The following GALNT17 variants were observed in gnomAD, a reference collection of about 807,000 sequenced individuals.
GALNT17 encodes the protein polypeptide N-acetylgalactosaminyltransferase 17, also known as UDP-GalNAc:polypeptide N-acetylgalactosaminyltransferase-like 3.
GALNT17 carries 29 observed loss-of-function variants against 63.7 expected under a neutral mutation model. The ratio of observed to expected loss-of-function variants is 0.46; its 90% CI spans 0.34 to 0.62. GALNT17 has a LOEUF of 0.62. GALNT17 is among the 20% of genes least tolerant of loss of function. The probability of loss-of-function intolerance (pLI) is 0.01; values close to 1 mark genes in which losing one functional copy is unlikely to be tolerated. For synonymous variants in GALNT17, 305 were observed against 318.3 expected (o/e 0.96, Z 0.45); for missense variants, 603 against 799.6 (o/e 0.75, Z 2.97).
At chr7:71,333,614 T>C (rs1791844778) in intron 1 of GALNT17, among the ~76,000 whole-genome samples, 1 of 152,122 alleles carries the variant, frequency 6.6e-6, no homozygotes, top group Non-Finnish European at 1.5e-5. Flanking sequence ...GGATTTTTGC[T>C]CATTGCCTCC....
intron 5 of GALNT17, among the ~76,000 whole-genome samples, chr7:71,499,475 C>T (rs569376080): frequency 6.6e-6 from 1 of 152,250 alleles, no homozygotes; most frequent in African/African-American, 2.4e-5. Context: ...GGGAGAGACT[C>T]AGTGTAACCT....
At chr7:71,192,950 G>T (rs1212882766) in intron 1 of GALNT17, among the ~76,000 whole-genome samples, 2 of 151,906 alleles carry the variant, frequency 1.3e-5, no homozygotes, top group South Asian at 2.1e-4. Context: ...GATCCTCTGC[G>T]ATCAACCTCT....
chr7:71,690,884 A>G (rs1296979835), intron 9 of GALNT17, among the ~76,000 whole-genome samples: 7 of 152,190 alleles, frequency 4.6e-5, no homozygotes, highest in Admixed American at 2.0e-4. Context: ...CTTCACGGAT[A>G]AGCAAAGACA....
At chr7:71,599,432 A>T (rs913817415) in intron 6 of GALNT17, among the ~76,000 whole-genome samples, 2 of 152,196 alleles carry the variant, frequency 1.3e-5, no homozygotes, top group East Asian at 3.9e-4. Flanking sequence ...ACTTGCTGTG[A>T]AAGTGTGGTC....
chr7:71,350,291 G>A lies in GALNT17; in HGVS notation c.422+14558G>A, dbSNP rs115391786. On this transcript the variant is annotated intron_variant, in intron 2 of 10. Transcript: ENST00000333538. The stretch of plus-strand genomic sequence containing the variant: ...TTATTCATTCACTCAGTAAATACTC[G>A]TCAATCAGCTCCCACACACCAGGCA... 3.4e-3 allele frequency among the ~76,000 whole-genome samples: 516 copies of A among 152,180 alleles called. 4 individuals are homozygous for A. Among genetic ancestry groups the A allele is most frequent in the African/African-American group, 0.011 (455 of 41,498 alleles).
At position 71,177,005 on chromosome 7, in the gene GALNT17, A is replaced by G. The variant is rs191037122; in HGVS notation, c.238+43965A>G. Reference sequence around the variant, plus strand: ...ATGCTAAGCTGTGAATGTAGTTACTAAAAGGACAGAGCTTCGAGCAGGGGC... The same window carrying G: ...ATGCTAAGCTGTGAATGTAGTTACTGAAAGGACAGAGCTTCGAGCAGGGGC... On this transcript the variant is annotated intron_variant, in intron 1 of 10. Transcript: ENST00000333538. Among the ~76,000 whole-genome samples, 22 of 152,260 alleles carry G rather than the reference A, an allele frequency of 1.4e-4. 1 individual carries two copies. In the East Asian group the frequency reaches 4.1e-3, roughly 28 times the overall value.
chr7:71,527,087 G>A (rs573560253), intron 5 of GALNT17, among the ~76,000 whole-genome samples: 5 of 152,064 alleles, frequency 3.3e-5, no homozygotes, highest in Non-Finnish European at 5.9e-5. Flanking sequence ...TGTCTGGTCT[G>A]TATTGCATCT....
At position 71,431,204 on chromosome 7, in the gene GALNT17, C is replaced by CTTTCTTTTTTTTTTT. The variant is rs1563087533; in HGVS notation, c.962+10102_962+10103insCTTTTTTTTTTTTTT. Among the ~76,000 whole-genome samples, 2 of 136,364 alleles carry CTTTCTTTTTTTTTTT rather than the reference C, an allele frequency of 1.5e-5. 1 individual carries two copies. The allele number at this position is 136,364 out of a possible 152,430, so 89.5% of individuals were successfully genotyped here. A position where few individuals can be genotyped will look rare whatever the true frequency, so the allele number is the denominator to read the frequency against. On this transcript the variant is annotated intron_variant, in intron 5 of 10. Transcript: ENST00000333538. ...CCCTATGAGTATTTTTTTTTCTTTT[C>CTTTCTTTTTTTTTTT]TTTTCTTTTTTTTTTTTTTTTTTTT...
At chr7:71,488,997 G>A (rs1469475814) in intron 5 of GALNT17, among the ~76,000 whole-genome samples, 2 of 132,226 alleles carry the variant, frequency 1.5e-5, no homozygotes, top group South Asian at 2.6e-4. Context: ...AGATTCAAGC[G>A]ATTCTCCTGC....
chr7:71,231,229 T>G (rs904367440), intron 1 of GALNT17, among the ~76,000 whole-genome samples: 1 of 150,632 alleles, frequency 6.6e-6, no homozygotes, highest in Non-Finnish European at 1.5e-5. Flanking sequence ...ATATTTTTGC[T>G]GTTTTTTTTT....
intron 1 of GALNT17, among the ~76,000 whole-genome samples, chr7:71,233,104 C>T (rs917089364): frequency 6.6e-6 from 1 of 152,168 alleles, no homozygotes; most frequent in Non-Finnish European, 1.5e-5. Context: ...CGGAAGAAAG[C>T]CATTTGAAAT....
In GALNT17 at chr7:71,133,051, A is replaced by C; in HGVS notation, c.238+11A>C. On this transcript the variant is annotated intron_variant, in intron 1 of 10. Coordinates refer to ENST00000333538, the MANE Select transcript of GALNT17 (RefSeq NM_022479.3). ...ACCGGCAGCTGAATGGTAAGGACGC[A>C]CGCCGGCGCCTCCGGGGCTCGACGC... The C allele has an allele frequency of 6.5e-6, 10 of 1,537,948 alleles. No individual in the cohort carries two copies. The highest frequency in any genetic ancestry group is 8.7e-6 in the Non-Finnish European group (10 of 1,145,842).
At chr7:71,143,774 T>G (rs926144931) in intron 1 of GALNT17, among the ~76,000 whole-genome samples, 10 of 151,906 alleles carry the variant, frequency 6.6e-5, no homozygotes, top group African/African-American at 2.4e-4. Context: ...GCACGGTGGC[T>G]CACGCCTGTA....
intron 6 of GALNT17, among the ~76,000 whole-genome samples, chr7:71,634,565 C>T (rs1039350744): frequency 6.6e-6 from 1 of 151,722 alleles, no homozygotes. Context: ...ACCAGCCTGA[C>T]CAACATGGTA....
rs372480828 is a variant in GALNT17, at chr7:71,133,018, C to T, written c.216C>T (p.Asp72=). Residue 72 remains aspartate, a synonymous_variant, in exon 1 of 11, where the codon GAC becomes GAT. Coordinates refer to ENST00000333538, the MANE Select transcript of GALNT17 (RefSeq NM_022479.3). ...TGAAGCGCCTGTCGCTGCTGGAGGA[C>T]ATCGTGTACCGGCAGCTGAATGGTA... ...AVLKRLSLLE[D]IVYRQLNGLS... 4 of 1,586,638 alleles carry T rather than the reference C, an allele frequency of 2.5e-6. No individual in the cohort carries two copies. The highest frequency in any genetic ancestry group is 2.7e-5 in the African/African-American group (2 of 73,466).
At chr7:71,386,828 C>G (rs1792954253) in intron 2 of GALNT17, among the ~76,000 whole-genome samples, 1 of 152,116 alleles carries the variant, frequency 6.6e-6, no homozygotes, top group Admixed American at 6.5e-5. Context: ...GTGTAGGGTC[C>G]TTTTCCTTGA....
intron 9 of GALNT17, among the ~76,000 whole-genome samples, chr7:71,698,436 AAAAT>A (rs1378610790): frequency 6.6e-6 from 1 of 152,212 alleles, no homozygotes; most frequent in Non-Finnish European, 1.5e-5. Context: ...AGATATAACC[AAAAT>A]ACTGAACTAT....
At chr7:71,297,313 C>T (rs984091174) in intron 1 of GALNT17, among the ~76,000 whole-genome samples, 2 of 152,100 alleles carry the variant, frequency 1.3e-5, no homozygotes, top group South Asian at 2.1e-4. Flanking sequence ...GAGGCTGAGG[C>T]GGGTGGATCA....
intron 5 of GALNT17, among the ~76,000 whole-genome samples, chr7:71,492,448 T>C (rs538947399): frequency 1.3e-5 from 2 of 152,266 alleles, no homozygotes; most frequent in Admixed American, 1.3e-4. Context: ...AGATGCATCC[T>C]GTGCTAGAAT....
Sources: gnomAD v4.1 joint callset for allele counts (sites outside exome capture counted in the v4.1 genomes callset) on GRCh38, gnomAD v4.1.1 for gene constraint, MANE v1.5 for transcripts, NCBI Gene and HGNC (gene_info 2026-07-23, HGNC 2026-07-21) for gene names.